FSIP1: variants seen among roughly 807,000 people sequenced by gnomAD.
FSIP1 encodes fibrous sheath-interacting protein 1.
Under a neutral mutation model 60.9 loss-of-function variants are expected in FSIP1, and 65 were observed. The ratio of observed to expected loss-of-function variants is 1.07; its 90% CI spans 0.87 to 1.31. The LOEUF is 1.31. Among genes scored for constraint, FSIP1 ranks in the 40% most tolerant of loss-of-function variants. The pLI is 0.00. For synonymous variants in FSIP1, 209 were observed against 221.2 expected (o/e 0.94, Z 0.49); for missense variants, 675 against 665.5 (o/e 1.01, Z -0.16).
intron 1 of FSIP1, among the ~76,000 whole-genome samples, chr15:39,780,673 CA>C (rs1898232722): frequency 6.6e-6 from 1 of 152,150 alleles, no homozygotes; most frequent in Non-Finnish European, 1.5e-5. Flanking sequence ...CTATTAAAAG[CA>C]ATTCTAAAAC....
chr15:39,688,153 T>C (rs1894457066), intron 10 of FSIP1, among the ~76,000 whole-genome samples: 1 of 152,202 alleles, frequency 6.6e-6, no homozygotes, highest in Non-Finnish European at 1.5e-5. Context: ...TGCAATCGTA[T>C]GCATTCACAA....
intron 9 of FSIP1, among the ~76,000 whole-genome samples, chr15:39,717,804 C>T (rs990964876): frequency 1.1e-4 from 16 of 152,228 alleles, no homozygotes; most frequent in Admixed American, 3.3e-4. Flanking sequence ...ACAGCTTCTC[C>T]ATCAGGTCTT....
intron 10 of FSIP1, among the ~76,000 whole-genome samples, chr15:39,668,718 G>C (rs898056755): frequency 6.6e-6 from 1 of 152,166 alleles, no homozygotes; most frequent in African/African-American, 2.4e-5. Flanking sequence ...AGGTCAGTTG[G>C]AATCTAAACC....
intron 8 of FSIP1, among the ~76,000 whole-genome samples, chr15:39,735,696 T>A (rs959612070): frequency 6.6e-6 from 1 of 152,216 alleles, no homozygotes; most frequent in African/African-American, 2.4e-5. Context: ...TTTAAAACTT[T>A]TAAATTTGTT....
intron 11 of FSIP1, among the ~76,000 whole-genome samples, chr15:39,611,052 G>A (rs1047676924): frequency 2.0e-5 from 3 of 152,188 alleles, no homozygotes; most frequent in African/African-American, 7.2e-5. Flanking sequence ...AATGGTGTAA[G>A]TAAGACATAG....
chr15:39,705,505 C>T (rs1895225042), intron 10 of FSIP1, among the ~76,000 whole-genome samples: 1 of 151,840 alleles, frequency 6.6e-6, no homozygotes. Context: ...TTATGGCTCC[C>T]CTTTCTTTAG....
intron 10 of FSIP1, among the ~76,000 whole-genome samples, chr15:39,620,716 C>T (rs1187713900): frequency 6.7e-6 from 1 of 150,152 alleles, no homozygotes; most frequent in Non-Finnish European, 1.5e-5. Context: ...CTCAGCCTCC[C>T]CGGTAGCTGG....
chr15:39,756,680 A>G, intron 5 of FSIP1, among the ~76,000 whole-genome samples: 1 of 152,108 alleles, frequency 6.6e-6, no homozygotes, highest in African/African-American at 2.4e-5. Flanking sequence ...CTGACTAGAA[A>G]AGAAAAATAT....
At chr15:39,704,191 A>G (rs533988720) in intron 10 of FSIP1, among the ~76,000 whole-genome samples, 1 of 152,362 alleles carries the variant, frequency 6.6e-6, no homozygotes, top group African/African-American at 2.4e-5. Context: ...TATACTCTAA[A>G]TACCAATTGT....
intron 10 of FSIP1, among the ~76,000 whole-genome samples, chr15:39,705,183 T>C (rs1895211675): frequency 6.6e-6 from 1 of 152,204 alleles, no homozygotes; most frequent in South Asian, 2.1e-4. Context: ...ATCAATGGGA[T>C]AAGGTCAGAT....
At chr15:39,674,607 T>G (rs982160857) in intron 10 of FSIP1, among the ~76,000 whole-genome samples, 6 of 152,012 alleles carry the variant, frequency 3.9e-5, no homozygotes, top group Non-Finnish European at 8.8e-5. Flanking sequence ...ATGCATAACT[T>G]TAATATATGA....
At chr15:39,745,241 T>C in intron 5 of FSIP1, among the ~76,000 whole-genome samples, 1 of 152,082 alleles carries the variant, frequency 6.6e-6, no homozygotes, top group East Asian at 1.9e-4. Context: ...AATTTTTAGA[T>C]GCCCTACACG....
At chr15:39,726,243 T>C (rs1331660836) in intron 9 of FSIP1, among the ~76,000 whole-genome samples, 2 of 152,142 alleles carry the variant, frequency 1.3e-5, no homozygotes, top group African/African-American at 4.8e-5. Context: ...ATGGCTGTCA[T>C]TGCTAATACC....
intron 10 of FSIP1, among the ~76,000 whole-genome samples, chr15:39,629,737 G>A (rs7168558): frequency 0.039 from 5,879 of 152,280 alleles, 394 homozygotes; most frequent in African/African-American, 0.14. Flanking sequence ...TAGGAGCCTC[G>A]TTGAATCAGA....
At chr15:39,702,927 A>C (rs1444949736) in intron 10 of FSIP1, among the ~76,000 whole-genome samples, 2 of 151,866 alleles carry the variant, frequency 1.3e-5, no homozygotes, top group Non-Finnish European at 2.9e-5. Flanking sequence ...GCTCAACAAT[A>C]AGAATTTAAG....
intron 10 of FSIP1, among the ~76,000 whole-genome samples, chr15:39,655,847 T>C (rs1893049941): frequency 6.6e-6 from 1 of 152,190 alleles, no homozygotes; most frequent in Non-Finnish European, 1.5e-5. Context: ...ATCTTTCCAC[T>C]GTTCCAAGAA....
chr15:39,778,018 GT>G (rs1898120157), intron 1 of FSIP1, among the ~76,000 whole-genome samples: 1 of 152,172 alleles, frequency 6.6e-6, no homozygotes, highest in Non-Finnish European at 1.5e-5. Context: ...CAAAGCTTAT[GT>G]TTAAGAGATC....
intron 3 of FSIP1, among the ~76,000 whole-genome samples, chr15:39,769,592 G>C (rs956069341): frequency 6.6e-6 from 1 of 152,030 alleles, no homozygotes; most frequent in East Asian, 1.9e-4. Context: ...CTCAAACTTC[G>C]GTACACAGCA....
At chr15:39,774,900 G>A (rs1426845245) in intron 2 of FSIP1, among the ~76,000 whole-genome samples, 2 of 152,212 alleles carry the variant, frequency 1.3e-5, no homozygotes, top group Non-Finnish European at 2.9e-5. Context: ...AGCTCTGGTG[G>A]CGTGACCTGA....
Sources: gnomAD v4.1 joint callset for allele counts (sites outside exome capture counted in the v4.1 genomes callset) on GRCh38, gnomAD v4.1.1 for gene constraint, MANE v1.5 for transcripts, NCBI Gene and HGNC (gene_info 2026-07-23, HGNC 2026-07-21) for gene names.